NMBR: variants seen among roughly 807,000 people sequenced by gnomAD.
The protein encoded by NMBR is neuromedin-B receptor.
In NMBR, 16 loss-of-function variants were observed where a neutral mutation model predicts 20.5. The ratio of observed to expected loss-of-function variants is 0.78; its 90% CI spans 0.53 to 1.19. The LOEUF (loss-of-function observed/expected upper bound fraction) is 1.19, where lower values mean the gene tolerates loss of function less well. Among genes scored for constraint, NMBR ranks in the 50% most tolerant of loss-of-function variants. The probability of loss-of-function intolerance (pLI) is 0.00; values close to 1 mark genes in which losing one functional copy is unlikely to be tolerated. For synonymous variants in NMBR, 212 were observed against 196.6 expected (o/e 1.08, Z -0.65); for missense variants, 582 against 499.1 (o/e 1.17, Z -1.58).
intron 1 of NMBR, chr6:142,134,676 T>C (rs936384987): frequency 2.9e-6 from 2 of 696,108 alleles, no homozygotes; most frequent in Non-Finnish European, 5.2e-6. Context: ...TATTAAGAAT[T>C]AGTCTAGCGG....
intron 1 of NMBR, among the ~76,000 whole-genome samples, chr6:142,093,107 C>T (rs1161047207): frequency 6.6e-6 from 1 of 151,882 alleles, no homozygotes; most frequent in African/African-American, 2.4e-5. Context: ...AAAACTAGTT[C>T]TAAGAAACCT....
chr6:142,109,370 T>C lies in NMBR; in HGVS notation c.-663-20049A>G, dbSNP rs894569844. Among the ~76,000 whole-genome samples, 4 of 152,064 alleles carry C rather than the reference T, an allele frequency of 2.6e-5. No homozygotes were observed. In the East Asian group the frequency reaches 7.7e-4, roughly 29 times the overall value. ...TATAAGGTCAGAAGTAAGAAAAAGATGCTTTTTAAAATCTCCTTCATGTAC... is the reference window on the plus strand; with the variant it reads ...TATAAGGTCAGAAGTAAGAAAAAGACGCTTTTTAAAATCTCCTTCATGTAC... On this transcript the variant is annotated intron_variant, in intron 1 of 3. Transcript: ENST00000258042.
chr6:142,124,693 T>C (rs952496863), intron 1 of NMBR, among the ~76,000 whole-genome samples: 11 of 151,856 alleles, frequency 7.2e-5, no homozygotes, highest in Non-Finnish European at 1.5e-4. Context: ...CAACTAGAAA[T>C]CATGCAGTTT....
chr6:142,094,008 T>C (rs1777391789), intron 1 of NMBR, among the ~76,000 whole-genome samples: 1 of 151,304 alleles, frequency 6.6e-6, no homozygotes, highest in Non-Finnish European at 1.5e-5. Context: ...TTGTTTTTTT[T>C]CTTGTAAATT....
intron 1 of NMBR, among the ~76,000 whole-genome samples, chr6:142,135,926 T>A (rs1778246782): frequency 6.6e-6 from 1 of 151,930 alleles, no homozygotes; most frequent in Non-Finnish European, 1.5e-5. Flanking sequence ...TCCAAGTCTT[T>A]GCTATTGTGA....
At chr6:142,140,777 T>C (rs1051287328) in intron 1 of NMBR, among the ~76,000 whole-genome samples, 1 of 152,078 alleles carries the variant, frequency 6.6e-6, no homozygotes, top group Non-Finnish European at 1.5e-5. Context: ...GAGAGCTCAA[T>C]TGGCTATATT....
chr6:142,103,001 G>C (rs1445256510), intron 1 of NMBR, among the ~76,000 whole-genome samples: 2 of 152,138 alleles, frequency 1.3e-5, no homozygotes, highest in East Asian at 3.9e-4. Flanking sequence ...TTCTGGGGAG[G>C]AACTTCCTTG....
chr6:142,107,879 TA>T (rs1228393440), intron 1 of NMBR, among the ~76,000 whole-genome samples: 6 of 151,570 alleles, frequency 4.0e-5, no homozygotes, highest in Non-Finnish European at 8.8e-5. Context: ...AAAAAAAAAG[TA>T]AAAGTTATTT....
intron 1 of NMBR, among the ~76,000 whole-genome samples, chr6:142,091,311 C>A (rs1031177957): frequency 1.5e-4 from 23 of 152,142 alleles, no homozygotes; most frequent in African/African-American, 5.6e-4. Flanking sequence ...TAGCCTCAAC[C>A]TCCTTCATTC....
chr6:142,106,946 A>G (rs1011699800), intron 1 of NMBR, among the ~76,000 whole-genome samples: 1 of 152,238 alleles, frequency 6.6e-6, no homozygotes, highest in African/African-American at 2.4e-5. Context: ...GACTTCCTTT[A>G]TAGAAGTAAA....
chr6:142,143,324 G>A (rs558090516), intron 1 of NMBR, among the ~76,000 whole-genome samples: 14 of 152,022 alleles, frequency 9.2e-5, no homozygotes, highest in South Asian at 8.3e-4. Flanking sequence ...TCGCTCTGTC[G>A]CCCAGGCTGG....
intron 1 of NMBR, among the ~76,000 whole-genome samples, chr6:142,139,909 C>T (rs1486552612): frequency 6.6e-6 from 1 of 152,136 alleles, no homozygotes; most frequent in African/African-American, 2.4e-5. Flanking sequence ...TAAACAATAT[C>T]TAACCATTTG....
chr6:142,108,911 C>G (rs1582850878), intron 1 of NMBR, among the ~76,000 whole-genome samples: 1 of 152,184 alleles, frequency 6.6e-6, no homozygotes, highest in East Asian at 1.9e-4. Context: ...AAATCAAAAG[C>G]AAGTTACTTA....
chr6:142,113,030 C>T (rs9496279), intron 1 of NMBR, among the ~76,000 whole-genome samples: 3 of 151,856 alleles, frequency 2.0e-5, no homozygotes, highest in African/African-American at 7.3e-5. Context: ...AAGCATTATT[C>T]CATAATGCAA....
chr6:142,083,333 G>C (rs549494147), intron 2 of NMBR, among the ~76,000 whole-genome samples: 1 of 152,178 alleles, frequency 6.6e-6, no homozygotes, highest in Non-Finnish European at 1.5e-5. Flanking sequence ...AAAAGGCTAC[G>C]AGAAAGCTCT....
At chr6:142,145,541 A>T (rs1330135363) in intron 1 of NMBR, among the ~76,000 whole-genome samples, 1 of 152,238 alleles carries the variant, frequency 6.6e-6, no homozygotes, top group Non-Finnish European at 1.5e-5. Flanking sequence ...TAAATAAATT[A>T]ATATAAAGAC....
At chr6:142,110,624 G>A (rs1304538543) in intron 1 of NMBR, among the ~76,000 whole-genome samples, 1 of 152,078 alleles carries the variant, frequency 6.6e-6, no homozygotes, top group Non-Finnish European at 1.5e-5. Context: ...TCTTTTGAGG[G>A]TGATAATATT....
intron 1 of NMBR, among the ~76,000 whole-genome samples, chr6:142,097,928 GA>G (rs1777490546): frequency 1.3e-5 from 2 of 151,800 alleles, no homozygotes; most frequent in South Asian, 4.2e-4. Context: ...ATTAGCAGCA[GA>G]AAAAAACACT....
chr6:142,095,368 G>T (rs1434915142), intron 1 of NMBR, among the ~76,000 whole-genome samples: 1 of 152,160 alleles, frequency 6.6e-6, no homozygotes, highest in Non-Finnish European at 1.5e-5. Context: ...ATGAAGTGTT[G>T]TTGAATTTTG....
Sources: gnomAD v4.1 joint callset for allele counts (sites outside exome capture counted in the v4.1 genomes callset) on GRCh38, gnomAD v4.1.1 for gene constraint, MANE v1.5 for transcripts, NCBI Gene and HGNC (gene_info 2026-07-23, HGNC 2026-07-21) for gene names.